GALNT17: variants seen among roughly 807,000 people sequenced by gnomAD.
GALNT17 encodes the protein polypeptide N-acetylgalactosaminyltransferase 17.
Under a neutral mutation model 63.7 loss-of-function variants are expected in GALNT17, and 29 were observed. The ratio of observed to expected loss-of-function variants is 0.46; its 90% CI spans 0.34 to 0.62. GALNT17 has a LOEUF of 0.62. Among genes scored for constraint, GALNT17 ranks in the 20% least tolerant of loss-of-function variants. GALNT17 has a pLI of 0.01. For synonymous variants in GALNT17, 305 were observed against 318.3 expected (o/e 0.96, Z 0.45); for missense variants, 603 against 799.6 (o/e 0.75, Z 2.97).
At chr7:71,167,910 T>C (rs2116274341) in intron 1 of GALNT17, among the ~76,000 whole-genome samples, 1 of 152,306 alleles carries the variant, frequency 6.6e-6, no homozygotes, top group South Asian at 2.1e-4. Context: ...CCTCAGGGGA[T>C]TCACCCTTTC....
Position 71,286,622 on chromosome 7 carries a change from C to CT in GALNT17, c.239-48927dup, listed in dbSNP as rs138726176. ...GGTGTGATGAAGGGAGCATTGGGCA[C>CT]TAATCTGGAGACCCACGATCGATGC... On this transcript the variant is annotated intron_variant, in intron 1 of 10. Coordinates refer to ENST00000333538, the MANE Select transcript of GALNT17 (RefSeq NM_022479.3). Among the ~76,000 whole-genome samples, 453 of 152,278 alleles carry CT rather than the reference C, an allele frequency of 3.0e-3. 3 individuals carry two copies. The highest frequency in any genetic ancestry group is 0.011 in the African/African-American group (439 of 41,540).
intron 1 of GALNT17, among the ~76,000 whole-genome samples, chr7:71,277,105 G>T (rs1790696340): frequency 6.6e-6 from 1 of 152,172 alleles, no homozygotes; most frequent in Non-Finnish European, 1.5e-5. Flanking sequence ...TGCATCAGTG[G>T]TGGGTTGGAT....
At chr7:71,599,210 A>C (rs890259836) in intron 6 of GALNT17, among the ~76,000 whole-genome samples, 1 of 152,182 alleles carries the variant, frequency 6.6e-6, no homozygotes, top group Admixed American at 6.6e-5. Flanking sequence ...ATGATCCCAC[A>C]TGGGTTCAGA....
At chr7:71,674,083 C>G (rs543387586) in intron 8 of GALNT17, among the ~76,000 whole-genome samples, 2 of 152,218 alleles carry the variant, frequency 1.3e-5, no homozygotes, top group South Asian at 2.1e-4. Context: ...AAGAGAGAAG[C>G]CTTTTGTTTT....
intron 6 of GALNT17, among the ~76,000 whole-genome samples, chr7:71,584,153 G>T (rs1300494653): frequency 1.3e-5 from 2 of 151,862 alleles, no homozygotes; most frequent in Non-Finnish European, 2.9e-5. Flanking sequence ...ACAAAAAAGG[G>T]CCTCCTTCTT....
chr7:71,371,900 T>C (rs1792630554), intron 2 of GALNT17, among the ~76,000 whole-genome samples: 3 of 152,222 alleles, frequency 2.0e-5, no homozygotes, highest in Non-Finnish European at 4.4e-5. Flanking sequence ...GCAGGTCTGC[T>C]TGTGGCCTCT....
At chr7:71,496,834 G>T (rs1311249269) in intron 5 of GALNT17, among the ~76,000 whole-genome samples, 1 of 152,122 alleles carries the variant, frequency 6.6e-6, no homozygotes, top group Non-Finnish European at 1.5e-5. Context: ...AGCACTTTGG[G>T]CGGCCAAGGC....
chr7:71,660,189 C>A (rs934867923), intron 6 of GALNT17, among the ~76,000 whole-genome samples: 1 of 152,092 alleles, frequency 6.6e-6, no homozygotes, highest in Non-Finnish European at 1.5e-5. Context: ...CTGGAGTCAC[C>A]ACACCTCCTG....
intron 1 of GALNT17, among the ~76,000 whole-genome samples, chr7:71,227,621 G>C (rs753214919): frequency 5.3e-5 from 8 of 152,010 alleles, no homozygotes; most frequent in Non-Finnish European, 1.2e-4. Context: ...AATTTCGTTT[G>C]CTCTCACCAT....
chr7:71,232,088 A>G lies in GALNT17; in HGVS notation c.238+99048A>G, dbSNP rs147535051. 9.8e-5 allele frequency among the ~76,000 whole-genome samples: 15 copies of G among 152,324 alleles called. No homozygotes were observed. The East Asian group carries it at 2.9e-3, about 29-fold the overall frequency. ...CTTTGGAGAATTCTAGGATTGCTAC[A>G]TAGACCAGCGAACATGGGGAGATTC... is the stretch of plus-strand genomic sequence containing the variant. On this transcript the variant is annotated intron_variant, in intron 1 of 10. Coordinates refer to ENST00000333538, the MANE Select transcript of GALNT17 (RefSeq NM_022479.3).
intron 6 of GALNT17, among the ~76,000 whole-genome samples, chr7:71,580,402 T>TTG (rs1198259853): frequency 1.2e-4 from 12 of 97,128 alleles, no homozygotes; most frequent in African/African-American, 6.3e-4. Flanking sequence ...AGATGGATGA[T>TTG]AGATAGATAG....
chr7:71,147,553 T>G (rs975090683), intron 1 of GALNT17, among the ~76,000 whole-genome samples: 3 of 152,194 alleles, frequency 2.0e-5, no homozygotes, highest in Non-Finnish European at 2.9e-5. Flanking sequence ...TTTGCATCCT[T>G]CAATCCAATC....
chr7:71,359,088 C>G (rs1319750530), intron 2 of GALNT17, among the ~76,000 whole-genome samples: 2 of 152,174 alleles, frequency 1.3e-5, no homozygotes, highest in African/African-American at 4.8e-5. Context: ...CAATGATTTA[C>G]AAGATTTGTA....
intron 5 of GALNT17, among the ~76,000 whole-genome samples, chr7:71,462,256 G>A (rs1179891087): frequency 2.0e-5 from 3 of 152,006 alleles, no homozygotes; most frequent in South Asian, 2.1e-4. Flanking sequence ...CTCACCCTCA[G>A]CCATTCGTTC....
intron 2 of GALNT17, among the ~76,000 whole-genome samples, chr7:71,372,783 A>C (rs1792648792): frequency 6.6e-6 from 1 of 152,152 alleles, no homozygotes; most frequent in African/African-American, 2.4e-5. Flanking sequence ...TATTGGATTG[A>C]ATATCATATA....
intron 6 of GALNT17, among the ~76,000 whole-genome samples, chr7:71,610,943 G>A (rs1273755466): frequency 1.4e-5 from 2 of 141,850 alleles, no homozygotes; most frequent in Admixed American, 1.5e-4. Flanking sequence ...CCGAGATCAC[G>A]CCACTGCACT....
chr7:71,371,882 C>G (rs1792630023), intron 2 of GALNT17, among the ~76,000 whole-genome samples: 1 of 152,186 alleles, frequency 6.6e-6, no homozygotes, highest in African/African-American at 2.4e-5. Context: ...GGTATTTATT[C>G]TCTAAGAGCA....
At chr7:71,691,925 T>A (rs1791450771) in intron 9 of GALNT17, among the ~76,000 whole-genome samples, 1 of 152,050 alleles carries the variant, frequency 6.6e-6, no homozygotes, top group African/African-American at 2.4e-5. Flanking sequence ...TCTTTTTTTC[T>A]TTTTTTGAAA....
chr7:71,517,182 C>G (rs1788458897), intron 5 of GALNT17, among the ~76,000 whole-genome samples: 1 of 152,170 alleles, frequency 6.6e-6, no homozygotes, highest in African/African-American at 2.4e-5. Context: ...AAGGTCAGGG[C>G]ACCAGCATGG....
Sources: allele counts gnomAD v4.1 joint callset (sites outside exome capture counted in the v4.1 genomes callset), GRCh38; gene constraint gnomAD v4.1.1; transcripts MANE v1.5; gene names NCBI Gene and HGNC (gene_info 2026-07-23, HGNC 2026-07-21).